Variants in RORA observed in about 807,000 individuals in gnomAD.
RORA encodes the protein nuclear receptor ROR-alpha.
Under a neutral mutation model 69.5 loss-of-function variants are expected in RORA, and 7 were observed. The observed-to-expected ratio is 0.10, with a 90% CI of 0.06 to 0.19. The LOEUF (loss-of-function observed/expected upper bound fraction) is 0.19. Ranked by LOEUF, RORA falls within the 10% of genes least tolerant of loss-of-function variation. RORA has a pLI of 1.00. For synonymous variants in RORA, 261 were observed against 240.8 expected (o/e 1.08, Z -0.78); for missense variants, 457 against 663.0 (o/e 0.69, Z 3.41).
At chr15:61,067,114 CTT>C (rs772963614) in intron 1 of RORA, among the ~76,000 whole-genome samples, 14 of 138,370 alleles carry the variant, frequency 1.0e-4, no homozygotes, top group Middle Eastern at 3.4e-3. Context: ...AACTTTTTTT[CTT>C]TTTTTTTTTT....
At chr15:60,700,457 A>G (rs1471294852) in intron 1 of RORA, among the ~76,000 whole-genome samples, 1 of 152,184 alleles carries the variant, frequency 6.6e-6, no homozygotes, top group East Asian at 1.9e-4. Context: ...CACTGATAGG[A>G]AACAGGAATC....
intron 2 of RORA, among the ~76,000 whole-genome samples, chr15:60,676,740 A>G (rs910542382): frequency 1.3e-5 from 2 of 152,200 alleles, no homozygotes; most frequent in African/African-American, 2.4e-5. Flanking sequence ...TTAGAACACC[A>G]ATTTTTCCTC....
intron 1 of RORA, among the ~76,000 whole-genome samples, chr15:60,938,781 G>A (rs1892603596): frequency 6.6e-6 from 1 of 152,136 alleles, no homozygotes; most frequent in Non-Finnish European, 1.5e-5. Flanking sequence ...GATAATTGGT[G>A]CATTTAGAAC....
chr15:60,956,401 A>C (rs966694086), intron 1 of RORA, among the ~76,000 whole-genome samples: 1 of 152,248 alleles, frequency 6.6e-6, no homozygotes, highest in Non-Finnish European at 1.5e-5. Flanking sequence ...TAAGACAGGT[A>C]ATTTGTCCAA....
At chr15:61,054,763 G>T (rs572757777) in intron 1 of RORA, among the ~76,000 whole-genome samples, 1 of 151,856 alleles carries the variant, frequency 6.6e-6, no homozygotes, top group Admixed American at 6.5e-5. Flanking sequence ...TCAAACAATG[G>T]TTGACTCTCC....
intron 1 of RORA, among the ~76,000 whole-genome samples, chr15:61,113,034 C>A (rs1293397834): frequency 6.6e-6 from 1 of 152,212 alleles, no homozygotes; most frequent in African/African-American, 2.4e-5. Flanking sequence ...CATTGGCTTG[C>A]CAGGTCTAGC....
At chr15:60,689,533 G>A (rs28378531) in intron 1 of RORA, among the ~76,000 whole-genome samples, 55,054 of 151,902 alleles carry the variant, frequency 0.36, 10,300 homozygotes, top group Middle Eastern at 0.44. Context: ...GCATCCCCCA[G>A]AAAGACATAT....
intron 1 of RORA, among the ~76,000 whole-genome samples, chr15:60,736,353 A>G (rs1019810158): frequency 6.6e-6 from 1 of 152,148 alleles, no homozygotes; most frequent in African/African-American, 2.4e-5. Flanking sequence ...AATACAACCC[A>G]TTCTGTCTCC....
At chr15:60,668,184 T>G (rs2140730215) in intron 2 of RORA, among the ~76,000 whole-genome samples, 1 of 152,292 alleles carries the variant, frequency 6.6e-6, no homozygotes, top group Middle Eastern at 3.4e-3. Flanking sequence ...CGTAGATCAG[T>G]TCGATTCCTG....
At chr15:60,530,451 A>C (rs1201988989) in intron 3 of RORA, 4 of 152,004 alleles carry the variant, frequency 2.6e-5, no homozygotes, top group African/African-American at 9.7e-5. Context: ...ACACCACTAC[A>C]CCGGGCCTCT....
At chr15:60,973,843 G>A (rs1893799999) in intron 1 of RORA, among the ~76,000 whole-genome samples, 1 of 152,180 alleles carries the variant, frequency 6.6e-6, no homozygotes, top group African/African-American at 2.4e-5. Context: ...GCTGCCTCTG[G>A]ACTCGCCAAT....
chr15:61,052,007 C>T (rs529074259), intron 1 of RORA, among the ~76,000 whole-genome samples: 1 of 152,354 alleles, frequency 6.6e-6, no homozygotes, highest in African/African-American at 2.4e-5. Flanking sequence ...AAGTCTTATG[C>T]ACACAGCACC....
At chr15:60,565,775 G>A (rs2067696922) in intron 2 of RORA, among the ~76,000 whole-genome samples, 1 of 152,028 alleles carries the variant, frequency 6.6e-6, no homozygotes, top group Non-Finnish European at 1.5e-5. Context: ...ATTATGATGT[G>A]GCCTGAATTG....
At chr15:60,621,115 C>T (rs533694080) in intron 2 of RORA, among the ~76,000 whole-genome samples, 1 of 152,334 alleles carries the variant, frequency 6.6e-6, no homozygotes, top group East Asian at 1.9e-4. Flanking sequence ...AGATCCCATA[C>T]ACAATGTCTT....
chr15:60,613,413 G>T (rs1000966556), intron 2 of RORA, among the ~76,000 whole-genome samples: 4 of 152,120 alleles, frequency 2.6e-5, no homozygotes, highest in African/African-American at 9.7e-5. Flanking sequence ...ATTAAAAAGA[G>T]CTCTGGAGTC....
intron 3 of RORA, among the ~76,000 whole-genome samples, chr15:60,516,064 T>A (rs1405737592): frequency 1.5e-5 from 1 of 67,546 alleles, no homozygotes; most frequent in African/African-American, 7.0e-5. Context: ...TATTTATATA[T>A]ATTTATATAT....
chr15:60,712,852 T>G (rs1429311509), intron 1 of RORA, among the ~76,000 whole-genome samples: 2 of 152,202 alleles, frequency 1.3e-5, no homozygotes, highest in African/African-American at 4.8e-5. Flanking sequence ...TAGAACAGAT[T>G]TGTCTTTCTA....
chr15:60,952,477 A>G (rs948128635), intron 1 of RORA, among the ~76,000 whole-genome samples: 1 of 151,890 alleles, frequency 6.6e-6, no homozygotes, highest in Admixed American at 6.6e-5. Flanking sequence ...AGGGTATTCA[A>G]TTAGGAAAAG....
At chr15:60,586,133 C>T (rs1218139782) in intron 2 of RORA, among the ~76,000 whole-genome samples, 1 of 152,106 alleles carries the variant, frequency 6.6e-6, no homozygotes, top group African/African-American at 2.4e-5. Context: ...GTTCAAAAGT[C>T]CACTTTCACA....
Sources: allele counts gnomAD v4.1 joint callset (sites outside exome capture counted in the v4.1 genomes callset), GRCh38; gene constraint gnomAD v4.1.1; transcripts MANE v1.5; gene names NCBI Gene and HGNC (gene_info 2026-07-23, HGNC 2026-07-21).